The following BIN3 variants were observed in gnomAD, a reference collection of about 807,000 sequenced individuals.
BIN3 encodes the protein bridging integrator 3.
A neutral mutation model predicts 38.2 loss-of-function variants in BIN3; 41 were observed. The ratio of observed to expected loss-of-function variants is 1.07; its 90% CI spans 0.84 to 1.39. BIN3 has a LOEUF of 1.39. Ranked by LOEUF, BIN3 falls within the 40% of genes most tolerant of loss-of-function variation. The pLI, the probability that BIN3 is intolerant of heterozygous loss-of-function variation, is 0.00. For missense variants in BIN3, 361 were observed against 324.3 expected (o/e 1.11, Z -0.87); for synonymous variants, 145 against 122.6 (o/e 1.18, Z -1.21).
At chr8:22,630,046 G>T (rs754944560) in intron 5 of BIN3, 42 bp from the exon 6 acceptor site, 1 of 1,574,536 alleles carries the variant, frequency 6.4e-7, no homozygotes, top group Non-Finnish European at 8.7e-7. Context: ...TGGTGGGGAG[G>T]GGAGGGCGAC....
chr8:22,658,056 C>T (rs1459429603), intron 1 of BIN3, among the ~76,000 whole-genome samples: 2 of 152,246 alleles, frequency 1.3e-5, no homozygotes, highest in Non-Finnish European at 1.5e-5. Flanking sequence ...GAAGACAAGG[C>T]TTGCTCCCCA....
chr8:22,642,214 C>T (rs1802585881), intron 2 of BIN3, among the ~76,000 whole-genome samples: 1 of 152,176 alleles, frequency 6.6e-6, no homozygotes, highest in South Asian at 2.1e-4. Flanking sequence ...ACCCAGGCAG[C>T]CACAGCTGCT....
At chr8:22,666,630 G>A (rs1803430802) in intron 1 of BIN3, among the ~76,000 whole-genome samples, 1 of 152,162 alleles carries the variant, frequency 6.6e-6, no homozygotes, top group South Asian at 2.1e-4. Flanking sequence ...GGGTGGGCGG[G>A]TTGCCTGCAC....
intron 1 of BIN3, among the ~76,000 whole-genome samples, chr8:22,652,236 G>A (rs899830769): frequency 6.6e-5 from 10 of 152,080 alleles, no homozygotes; most frequent in Admixed American, 5.9e-4. Flanking sequence ...TGGATGTGTG[G>A]TAATTCTTGG....
chr8:22,655,407 T>G (rs1316901944), intron 1 of BIN3, among the ~76,000 whole-genome samples: 1 of 152,226 alleles, frequency 6.6e-6, no homozygotes, highest in East Asian at 1.9e-4. Context: ...TTTTATAGTT[T>G]AGCTCTTACA....
Position 22,663,440 on chromosome 8 carries a change from T to TAA in BIN3, c.8+5602_8+5603dup, listed in dbSNP as rs35060338. ...CAACAGTGAGACCCCCCGATTTGTT[T>TAA]AAAAAAAAAAAAAAAAAAAAAAGGA... On this transcript the variant is annotated intron_variant, in intron 1 of 8. Transcript: ENST00000276416. Among the ~76,000 whole-genome samples, 992 of 128,604 alleles carry TAA rather than the reference T, an allele frequency of 7.7e-3. 11 individuals carry two copies. The highest frequency in any genetic ancestry group is 0.016 in the Middle Eastern group (4 of 254). The allele number at this position is 128,604 out of a possible 152,430, so 84.4% of individuals were successfully genotyped here. A position where few individuals can be genotyped will look rare whatever the true frequency, so the allele number is the denominator to read the frequency against.
intron 1 of BIN3, among the ~76,000 whole-genome samples, chr8:22,667,290 G>C (rs1179084110): frequency 2.0e-5 from 3 of 151,990 alleles, no homozygotes; most frequent in Non-Finnish European, 1.5e-5. Context: ...TTTAAGGAAT[G>C]GGCTACTATT....
At chr8:22,663,431 C>G (rs550029525) in intron 1 of BIN3, among the ~76,000 whole-genome samples, 215 of 127,830 alleles carry the variant, frequency 1.7e-3, no homozygotes, top group African/African-American at 6.3e-3. Flanking sequence ...TGAGACCCCC[C>G]GATTTGTTTA....
At chr8:22,655,671 T>C (rs1234776264) in intron 1 of BIN3, among the ~76,000 whole-genome samples, 1 of 152,226 alleles carries the variant, frequency 6.6e-6, no homozygotes, top group African/African-American at 2.4e-5. Flanking sequence ...TACTGTAGCT[T>C]TGTAGTATTA....
intron 8 of BIN3, chr8:22,622,662 T>A (rs1801863703): frequency 6.6e-6 from 1 of 152,224 alleles, no homozygotes; most frequent in African/African-American, 2.4e-5. Flanking sequence ...TGCTCCAACC[T>A]GGACACGCGG....
chr8:22,653,894 G>T (rs1317106573), intron 1 of BIN3, among the ~76,000 whole-genome samples: 1 of 132,832 alleles, frequency 7.5e-6, no homozygotes, highest in African/African-American at 2.8e-5. Flanking sequence ...GGAGGTGGGG[G>T]TTGGGGTGTA....
At position 22,621,415 on chromosome 8, in the gene BIN3, C is replaced by CG. The variant is rs751815160; in HGVS notation, c.*6dup. The CG allele has an allele frequency of 1.9e-6, 3 of 1,611,432 alleles. No individual in the cohort carries two copies. The highest frequency in any genetic ancestry group is 2.5e-6 in the Non-Finnish European group (3 of 1,178,834). On this transcript the variant is annotated 3_prime_UTR_variant, in exon 9 of 9. Transcript: ENST00000276416. The stretch of plus-strand genomic sequence containing the variant: ...CGTCACAGGAGTCCTCCAAGAGTGA[C>CG]GGGGATTCAGTCATCGGCCACAATG...
chr8:22,652,709 A>G (rs1044294315), intron 1 of BIN3, among the ~76,000 whole-genome samples: 1 of 152,254 alleles, frequency 6.6e-6, no homozygotes, highest in Admixed American at 6.5e-5. Flanking sequence ...ATGAAAGTGA[A>G]TATTTAGGCA....
chr8:22,663,471 T>A (rs1041564946), intron 1 of BIN3, among the ~76,000 whole-genome samples: 2 of 149,968 alleles, frequency 1.3e-5, no homozygotes, highest in African/African-American at 4.9e-5. Context: ...AAGGAAACTA[T>A]TGTCCAAGTT....
intron 1 of BIN3, among the ~76,000 whole-genome samples, chr8:22,656,498 G>A (rs868091681): frequency 1.6e-4 from 25 of 152,196 alleles, no homozygotes; most frequent in Middle Eastern, 3.4e-3. Flanking sequence ...AGGCTTTCCA[G>A]GTAGACAGTC....
At chr8:22,639,363 C>CTA (rs1025247754) in intron 2 of BIN3, among the ~76,000 whole-genome samples, 5 of 152,080 alleles carry the variant, frequency 3.3e-5, no homozygotes, top group Admixed American at 3.3e-4. Flanking sequence ...TCCTGCATAG[C>CTA]TGGGACTATA....
At chr8:22,622,542 T>A (rs913368714) in intron 8 of BIN3, 3 of 152,038 alleles carry the variant, frequency 2.0e-5, no homozygotes, top group African/African-American at 4.8e-5. Flanking sequence ...AATACTCACT[T>A]CTCCATGACT....
chr8:22,629,626 T>A lies in BIN3; in HGVS notation c.338+338A>T, dbSNP rs1004483838. ...CATGTCCGCTGAGGGCTGGCCAAGA[T>A]CTCTGCTAGCTCCATTCAGCAAGCC... On this transcript the variant is annotated intron_variant, in intron 6 of 8. Coordinates refer to ENST00000276416, the MANE Select transcript of BIN3 (RefSeq NM_018688.6). The A allele has an allele frequency of 2.2e-5, 8 of 363,842 alleles. No homozygotes were observed. The East Asian group carries it at 3.6e-4, about 16-fold the overall frequency. The allele number at this position is 363,842 out of a possible 1,614,324, so 22.5% of individuals were successfully genotyped here.
intron 1 of BIN3, among the ~76,000 whole-genome samples, chr8:22,668,169 G>A (rs187054696): frequency 3.9e-5 from 6 of 152,302 alleles, no homozygotes; most frequent in Admixed American, 1.3e-4. Flanking sequence ...TGCTGCATAT[G>A]AGTATTCTCT....
Sources: allele counts gnomAD v4.1 joint callset (sites outside exome capture counted in the v4.1 genomes callset), GRCh38; gene constraint gnomAD v4.1.1; transcripts MANE v1.5; gene names NCBI Gene and HGNC (gene_info 2026-07-23, HGNC 2026-07-21).